MAPK10: variants seen among roughly 807,000 people sequenced by gnomAD.
The protein encoded by MAPK10 is mitogen-activated protein kinase 10, also known as JNK3 alpha protein kinase.
Under a neutral mutation model 59.3 loss-of-function variants are expected in MAPK10, and 25 were observed. The observed-to-expected ratio is 0.42, with a 90% confidence interval of 0.31 to 0.59. The LOEUF (loss-of-function observed/expected upper bound fraction) is 0.59, where lower values mean the gene tolerates loss of function less well. Among genes scored for constraint, MAPK10 ranks in the 20% least tolerant of loss-of-function variants. The pLI is 0.15. For missense variants in MAPK10, 351 were observed against 568.9 expected, an observed-to-expected ratio of 0.62 and a Z score of 3.90; for synonymous variants, 190 against 200.5, an observed-to-expected ratio of 0.95 and a Z score of 0.44.
intron 9 of MAPK10, among the ~76,000 whole-genome samples, chr4:86,075,466 T>C (rs13104097): frequency 0.48 from 72,115 of 151,616 alleles, 18,415 homozygotes; most frequent in African/African-American, 0.67. Flanking sequence ...GGAGGAGAGA[T>C]GCTCTGCGTT....
At chr4:86,512,468 A>T (rs966973092) in intron 1 of MAPK10, among the ~76,000 whole-genome samples, 2 of 152,108 alleles carry the variant, frequency 1.3e-5, no homozygotes, top group African/African-American at 4.8e-5. Flanking sequence ...GGCCCCAAAA[A>T]CCTTAAGATG....
chr4:86,054,380 C>T (rs940664782), intron 11 of MAPK10, among the ~76,000 whole-genome samples: 1 of 152,190 alleles, frequency 6.6e-6, no homozygotes, highest in East Asian at 1.9e-4. Context: ...CAAAACAATC[C>T]GAAGGCAATT....
chr4:86,073,367 G>C (rs1051503099), intron 9 of MAPK10, among the ~76,000 whole-genome samples: 1 of 151,698 alleles, frequency 6.6e-6, no homozygotes, highest in Non-Finnish European at 1.5e-5. Context: ...CTGATCTTTT[G>C]AAGGGTTTTT....
intron 4 of MAPK10, chr4:86,120,354 A>G (rs2059033657): frequency 6.6e-6 from 1 of 152,248 alleles, no homozygotes; most frequent in Admixed American, 6.5e-5. Flanking sequence ...GGAACTTCTT[A>G]AAACACTAGA....
At chr4:86,464,290 C>A (rs935720995) in intron 1 of MAPK10, among the ~76,000 whole-genome samples, 13 of 152,142 alleles carry the variant, frequency 8.5e-5, no homozygotes, top group African/African-American at 3.1e-4. Flanking sequence ...ACAGATGGGT[C>A]TAGTAATGGT....
chr4:86,509,205 C>T (rs1482233439), intron 1 of MAPK10, among the ~76,000 whole-genome samples: 1 of 151,890 alleles, frequency 6.6e-6, no homozygotes, highest in Non-Finnish European at 1.5e-5. Context: ...AAATTACAAC[C>T]GCTTCATGGC....
intron 1 of MAPK10, among the ~76,000 whole-genome samples, chr4:86,571,358 A>T (rs559011191): frequency 6.5e-5 from 9 of 137,856 alleles, no homozygotes; most frequent in Non-Finnish European, 1.3e-4. Context: ...GTGTGTGTGT[A>T]TCTCCAGTAA....
intron 4 of MAPK10, among the ~76,000 whole-genome samples, chr4:86,142,596 T>C (rs1344715534): frequency 1.3e-5 from 2 of 152,226 alleles, no homozygotes; most frequent in Non-Finnish European, 2.9e-5. Context: ...TAGATTGTTT[T>C]ATTTCTTGAG....
At chr4:86,236,816 A>G (rs1281532277) in intron 2 of MAPK10, among the ~76,000 whole-genome samples, 1 of 152,178 alleles carries the variant, frequency 6.6e-6, no homozygotes, top group Non-Finnish European at 1.5e-5. Context: ...CATCAACTAA[A>G]ATTTCTTCAG....
chr4:86,459,893 C>G (rs1751579470), intron 1 of MAPK10, among the ~76,000 whole-genome samples: 1 of 151,934 alleles, frequency 6.6e-6, no homozygotes. Flanking sequence ...CAAACACCAC[C>G]TGTTCCCCAA....
intron 11 of MAPK10, among the ~76,000 whole-genome samples, chr4:86,034,743 CA>C (rs890353790): frequency 1.5e-4 from 23 of 152,098 alleles, no homozygotes; most frequent in Admixed American, 6.5e-4. Flanking sequence ...GAAGTCCTAA[CA>C]AAGCCTAGAT....
intron 1 of MAPK10, among the ~76,000 whole-genome samples, chr4:86,566,735 T>C (rs1477253733): frequency 6.6e-6 from 1 of 151,762 alleles, no homozygotes; most frequent in African/African-American, 2.4e-5. Flanking sequence ...GTAGTCTATA[T>C]TGTAACTAAT....
chr4:86,256,792 G>T (rs187796578), intron 2 of MAPK10, among the ~76,000 whole-genome samples: 71 of 136,754 alleles, frequency 5.2e-4, no homozygotes, highest in African/African-American at 1.9e-3. Flanking sequence ...CCAGGCTGGA[G>T]TACAGTGGCG....
At chr4:86,225,891 G>C (rs1293310199) in intron 2 of MAPK10, among the ~76,000 whole-genome samples, 1 of 152,072 alleles carries the variant, frequency 6.6e-6, no homozygotes, top group Non-Finnish European at 1.5e-5. Flanking sequence ...TCCCCTAATA[G>C]ATATGTAGAT....
chr4:86,347,019 T>A (rs1463347521), intron 2 of MAPK10, among the ~76,000 whole-genome samples: 1 of 152,100 alleles, frequency 6.6e-6, no homozygotes, highest in East Asian at 1.9e-4. Flanking sequence ...AGTGACTTTC[T>A]GAAAGCAGTA....
intron 9 of MAPK10, among the ~76,000 whole-genome samples, chr4:86,085,270 T>C (rs535508352): frequency 6.6e-6 from 1 of 152,202 alleles, no homozygotes; most frequent in South Asian, 2.1e-4. Flanking sequence ...GCTAAAAACT[T>C]CTGCACAGCA....
chr4:86,188,827 G>A (rs2078935262), intron 3 of MAPK10, among the ~76,000 whole-genome samples: 1 of 152,102 alleles, frequency 6.6e-6, no homozygotes, highest in Non-Finnish European at 1.5e-5. Context: ...CCATGCCTAT[G>A]TCCTGAATGA....
chr4:86,026,145 C>G (rs1750074734), intron 13 of MAPK10, among the ~76,000 whole-genome samples: 1 of 152,180 alleles, frequency 6.6e-6, no homozygotes, highest in African/African-American at 2.4e-5. Context: ...TGAAAAATCT[C>G]TGCCCATCCT....
intron 9 of MAPK10, among the ~76,000 whole-genome samples, chr4:86,078,346 A>T (rs1416264817): frequency 6.6e-6 from 1 of 152,156 alleles, no homozygotes; most frequent in Non-Finnish European, 1.5e-5. Flanking sequence ...AAAAGTGCTC[A>T]TCTTTATTTC....
Sources: allele counts gnomAD v4.1 joint callset (sites outside exome capture counted in the v4.1 genomes callset), GRCh38; gene constraint gnomAD v4.1.1; transcripts MANE v1.5; gene names NCBI Gene and HGNC (gene_info 2026-07-23, HGNC 2026-07-21).